TENM4: variants seen among roughly 807,000 people sequenced by gnomAD.
The protein encoded by TENM4 is teneurin transmembrane protein 4, also known as teneurin-4.
Under a neutral mutation model 243.3 loss-of-function variants are expected in TENM4, and 82 were observed. The ratio of observed to expected loss-of-function variants is 0.34; its 90% CI spans 0.28 to 0.40. The LOEUF is 0.40. Among genes scored for constraint, TENM4 ranks in the 10% least tolerant of loss-of-function variants. The pLI is 1.00. For synonymous variants in TENM4, 1,412 were observed against 1,456.3 expected (o/e 0.97, Z 0.69); for missense variants, 3,138 against 3,673.3 (o/e 0.85, Z 3.77).
chr11:79,422,066 G>A (rs186290034), intron 1 of TENM4: 1 of 153,496 alleles, frequency 6.5e-6, no homozygotes, highest in East Asian at 1.9e-4. Flanking sequence ...CATTCCCCCA[G>A]GATGCAATAA....
intron 6 of TENM4, among the ~76,000 whole-genome samples, chr11:79,051,033 C>T (rs1859779204): frequency 6.6e-6 from 1 of 152,180 alleles, no homozygotes; most frequent in African/African-American, 2.4e-5. Context: ...CTCCATGGGC[C>T]AGCTGCATGA....
At chr11:78,884,778 A>G (rs1181355160) in intron 9 of TENM4, among the ~76,000 whole-genome samples, 1 of 152,208 alleles carries the variant, frequency 6.6e-6, no homozygotes, top group African/African-American at 2.4e-5. Context: ...AAATAATTCG[A>G]AAGCATCAGC....
intron 19 of TENM4, among the ~76,000 whole-genome samples, chr11:78,741,751 A>G (rs1170509233): frequency 1.3e-5 from 2 of 152,212 alleles, no homozygotes; most frequent in East Asian, 1.9e-4. Context: ...GCACTCGCTC[A>G]GGGCTGGAGA....
At chr11:78,957,593 G>C (rs182524086) in intron 6 of TENM4, among the ~76,000 whole-genome samples, 4 of 152,328 alleles carry the variant, frequency 2.6e-5, no homozygotes, top group Non-Finnish European at 5.9e-5. Context: ...TGGATTGGTA[G>C]TCAAAACAAA....
rs1017283717 is a variant in TENM4, at chr11:79,064,979, C to T, written c.252G>A (p.Gly84=). The change falls in exon 6 of 34, where the codon GGG becomes GGA. Residue 84 remains glycine (G), a synonymous_variant. Transcript: ENST00000278550. The stretch of plus-strand genomic sequence containing the variant: ...CGTGAGGGGGCGTTACTTCTTCCAG[C>T]CCCAGCTCCCGCAGGGTGAAGTTGG... ...TGANFTLREL[G]LEEVTPPHGT... is the part of the protein sequence containing the mutation. The T allele has an allele frequency of 3.9e-5, 57 of 1,464,828 alleles. No homozygotes were observed. Among genetic ancestry groups the T allele is most frequent in the Non-Finnish European group, 4.9e-5 (54 of 1,103,538 alleles). The allele number at this position is 1,464,828 out of a possible 1,614,324, so 90.7% of individuals were successfully genotyped here.
intron 12 of TENM4, among the ~76,000 whole-genome samples, chr11:78,834,805 G>T (rs941994054): frequency 1.3e-5 from 2 of 152,092 alleles, no homozygotes; most frequent in Non-Finnish European, 2.9e-5. Flanking sequence ...GTGAGATGAG[G>T]GAGGAAACTT....
At chr11:79,385,930 T>C (rs1858102598) in intron 1 of TENM4, among the ~76,000 whole-genome samples, 1 of 152,210 alleles carries the variant, frequency 6.6e-6, no homozygotes, top group Non-Finnish European at 1.5e-5. Context: ...GTTGTGTCTC[T>C]ATTAAACAGC....
At chr11:78,821,960 G>A (rs1282664576) in intron 12 of TENM4, among the ~76,000 whole-genome samples, 1 of 151,120 alleles carries the variant, frequency 6.6e-6, no homozygotes, top group East Asian at 1.9e-4. Flanking sequence ...CTTCTTGAAG[G>A]CAGGAAATGT....
intron 15 of TENM4, among the ~76,000 whole-genome samples, chr11:78,801,959 G>A (rs139932852): frequency 1.4e-4 from 21 of 152,304 alleles, no homozygotes; most frequent in Admixed American, 1.3e-3. Flanking sequence ...AATCCTCACA[G>A]TGATTCCATA....
intron 6 of TENM4, among the ~76,000 whole-genome samples, chr11:79,009,683 A>G (rs547819952): frequency 2.6e-5 from 4 of 152,304 alleles, no homozygotes; most frequent in South Asian, 4.1e-4. Flanking sequence ...TTTGCGGATG[A>G]GGAAACTGAG....
intron 1 of TENM4, among the ~76,000 whole-genome samples, chr11:79,396,734 G>A (rs150663672): frequency 1.3e-5 from 2 of 152,268 alleles, no homozygotes; most frequent in East Asian, 3.9e-4. Flanking sequence ...TAACCTTCAG[G>A]CATGGTGGCC....
chr11:79,216,371 GCTAAGGT>G (rs1864051292), intron 2 of TENM4, among the ~76,000 whole-genome samples: 1 of 152,204 alleles, frequency 6.6e-6, no homozygotes, highest in Non-Finnish European at 1.5e-5. Context: ...GCAACATGGG[GCTAAGGT>G]CTAGGGTTAG....
At chr11:78,659,395 GC>G (rs1857977136) in intron 33 of TENM4, among the ~76,000 whole-genome samples, 1 of 152,162 alleles carries the variant, frequency 6.6e-6, no homozygotes, top group African/African-American at 2.4e-5. Flanking sequence ...CAACCTGCAA[GC>G]CCAGGTCTGT....
intron 3 of TENM4, among the ~76,000 whole-genome samples, chr11:79,164,833 C>T (rs912729834): frequency 1.3e-5 from 2 of 151,726 alleles, no homozygotes; most frequent in East Asian, 1.9e-4. Flanking sequence ...TGCCTTTCAC[C>T]TCGTGCCATG....
intron 3 of TENM4, among the ~76,000 whole-genome samples, chr11:79,198,190 C>T (rs918972182): frequency 6.6e-5 from 10 of 152,226 alleles, no homozygotes; most frequent in Admixed American, 1.3e-4. Flanking sequence ...TCTGTGAGGA[C>T]AGCCTCCTTG....
intron 3 of TENM4, among the ~76,000 whole-genome samples, chr11:79,189,567 G>A (rs1863439064): frequency 6.6e-6 from 1 of 152,192 alleles, no homozygotes. Flanking sequence ...TCCTGTGACA[G>A]CTCTTCCCAT....
chr11:79,234,003 G>T (rs1864418717), intron 2 of TENM4, among the ~76,000 whole-genome samples: 1 of 152,174 alleles, frequency 6.6e-6, no homozygotes, highest in South Asian at 2.1e-4. Context: ...GTTCAATGTA[G>T]TGCAAAGAGC....
chr11:79,249,996 TC>T (rs1177937320), intron 2 of TENM4, among the ~76,000 whole-genome samples: 1 of 152,224 alleles, frequency 6.6e-6, no homozygotes, highest in African/African-American at 2.4e-5. Context: ...AATTTTCTTT[TC>T]TTTTTTTAGA....
chr11:79,415,525 G>T (rs1167369109), intron 1 of TENM4, among the ~76,000 whole-genome samples: 2 of 152,246 alleles, frequency 1.3e-5, no homozygotes, highest in East Asian at 1.9e-4. Context: ...ATGTGATGTA[G>T]GTTTACCATC....
Sources: gnomAD v4.1 joint callset for allele counts (sites outside exome capture counted in the v4.1 genomes callset) on GRCh38, gnomAD v4.1.1 for gene constraint, MANE v1.5 for transcripts, NCBI Gene and HGNC (gene_info 2026-07-23, HGNC 2026-07-21) for gene names.